Variants in CNTNAP2 observed in about 807,000 individuals in gnomAD.
The protein encoded by CNTNAP2 is contactin associated protein 2.
Under a neutral mutation model 155.2 loss-of-function variants are expected in CNTNAP2, and 98 were observed. The ratio of observed to expected loss-of-function variants is 0.63; its 90% CI spans 0.54 to 0.75. The LOEUF is 0.75. CNTNAP2 is among the 30% of genes least tolerant of loss of function. The pLI is 0.00. For missense variants in CNTNAP2, 1,727 were observed against 1,688.1 expected (o/e 1.02, Z -0.40); for synonymous variants, 651 against 631.2 (o/e 1.03, Z -0.47).
chr7:147,198,955 CTTTT>C (rs531893928), intron 8 of CNTNAP2, among the ~76,000 whole-genome samples: 2 of 99,288 alleles, frequency 2.0e-5, no homozygotes. Flanking sequence ...AATCAAAGGA[CTTTT>C]TTTTTTTTTT....
At chr7:147,117,538 C>T (rs563984230) in intron 5 of CNTNAP2, among the ~76,000 whole-genome samples, 2 of 152,158 alleles carry the variant, frequency 1.3e-5, no homozygotes, top group South Asian at 2.1e-4. Context: ...TTTACTGATC[C>T]CTTCCATTCC....
intron 20 of CNTNAP2, among the ~76,000 whole-genome samples, chr7:148,263,421 G>A (rs1250813563): frequency 6.6e-6 from 1 of 151,814 alleles, no homozygotes; most frequent in Non-Finnish European, 1.5e-5. Context: ...CTGAGTAGAG[G>A]CTATTACTGT....
chr7:147,959,435 G>A (rs146882310), intron 14 of CNTNAP2, among the ~76,000 whole-genome samples: 22 of 152,200 alleles, frequency 1.4e-4, no homozygotes, highest in African/African-American at 5.1e-4. Flanking sequence ...AGGGTTCTTG[G>A]CTTCTCCCAG....
intron 5 of CNTNAP2, among the ~76,000 whole-genome samples, chr7:147,114,102 C>G (rs113767203): frequency 0.061 from 9,267 of 152,186 alleles, 884 homozygotes; most frequent in African/African-American, 0.21. Context: ...AGGTTGTTCA[C>G]TTTCCATGTA....
chr7:147,233,583 C>CA (rs11354058), intron 8 of CNTNAP2, among the ~76,000 whole-genome samples: 3,765 of 135,932 alleles, frequency 0.028, 99 homozygotes, highest in African/African-American at 0.067. Context: ...ACCAAAAAAG[C>CA]AAAAAAAAAA....
At chr7:148,185,862 C>A (rs571387503) in intron 18 of CNTNAP2, among the ~76,000 whole-genome samples, 1 of 152,212 alleles carries the variant, frequency 6.6e-6, no homozygotes, top group South Asian at 2.1e-4. Flanking sequence ...TAAATTGAAA[C>A]AAGTTTATAA....
At chr7:146,651,491 A>G (rs985976827) in intron 1 of CNTNAP2, among the ~76,000 whole-genome samples, 3 of 152,180 alleles carry the variant, frequency 2.0e-5, no homozygotes, top group Non-Finnish European at 2.9e-5. Context: ...TGTTATTGAT[A>G]GTATAAACTG....
intron 1 of CNTNAP2, among the ~76,000 whole-genome samples, chr7:146,420,719 T>G (rs1795999549): frequency 2.0e-5 from 3 of 152,096 alleles, no homozygotes. Flanking sequence ...TTCATTTTAC[T>G]GAGGCTTGAA....
intron 4 of CNTNAP2, among the ~76,000 whole-genome samples, chr7:147,057,788 T>A (rs1277419691): frequency 6.6e-6 from 1 of 152,194 alleles, no homozygotes; most frequent in African/African-American, 2.4e-5. Flanking sequence ...TTGTAAGAAT[T>A]GACTCAACAT....
chr7:146,566,921 C>T (rs1798366278), intron 1 of CNTNAP2, among the ~76,000 whole-genome samples: 1 of 152,000 alleles, frequency 6.6e-6, no homozygotes, highest in South Asian at 2.1e-4. Flanking sequence ...ACATACATAC[C>T]TCATTGTATT....
At chr7:147,946,587 G>A (rs1390358470) in intron 14 of CNTNAP2, among the ~76,000 whole-genome samples, 1 of 152,094 alleles carries the variant, frequency 6.6e-6, no homozygotes, top group Non-Finnish European at 1.5e-5. Flanking sequence ...TCCAAAGAGG[G>A]TGGAATTGTG....
intron 9 of CNTNAP2, among the ~76,000 whole-genome samples, chr7:147,334,265 C>T (rs1478761660): frequency 6.6e-6 from 1 of 152,196 alleles, no homozygotes; most frequent in Non-Finnish European, 1.5e-5. Context: ...CTTAACTTCA[C>T]AAATATGCAA....
intron 13 of CNTNAP2, among the ~76,000 whole-genome samples, chr7:147,849,710 G>T (rs942402344): frequency 6.6e-6 from 1 of 152,210 alleles, no homozygotes; most frequent in African/African-American, 2.4e-5. Flanking sequence ...GAGCAGGCCA[G>T]GGACTCTGTG....
chr7:146,305,776 T>C (rs1477928473), intron 1 of CNTNAP2, among the ~76,000 whole-genome samples: 1 of 152,078 alleles, frequency 6.6e-6, no homozygotes, highest in African/African-American at 2.4e-5. Flanking sequence ...TAGCACTAAA[T>C]GCCCACAAGA....
intron 16 of CNTNAP2, among the ~76,000 whole-genome samples, chr7:148,120,344 G>A (rs1455850409): frequency 6.6e-6 from 1 of 151,604 alleles, no homozygotes; most frequent in African/African-American, 2.4e-5. Context: ...ATGGTTCACT[G>A]CAGCCTCGAA....
intron 13 of CNTNAP2, among the ~76,000 whole-genome samples, chr7:147,865,759 G>GGATC (rs1451832232): frequency 6.6e-6 from 1 of 152,046 alleles, no homozygotes; most frequent in African/African-American, 2.4e-5. Flanking sequence ...TATTTCTGTG[G>GGATC]GATCGGTGGT....
intron 1 of CNTNAP2, among the ~76,000 whole-genome samples, chr7:146,639,255 A>G (rs1799664303): frequency 6.6e-6 from 1 of 152,192 alleles, no homozygotes; most frequent in Non-Finnish European, 1.5e-5. Context: ...TTTACTTGTA[A>G]AAGTTCTGTT....
At chr7:146,958,414 T>G (rs1584748810) in intron 3 of CNTNAP2, among the ~76,000 whole-genome samples, 1 of 130,400 alleles carries the variant, frequency 7.7e-6, no homozygotes, top group East Asian at 2.1e-4. Flanking sequence ...ATGGTTTTTT[T>G]TTTTTTTTTT....
chr7:147,360,785 C>T (rs953826595), intron 9 of CNTNAP2, among the ~76,000 whole-genome samples: 9 of 152,116 alleles, frequency 5.9e-5, no homozygotes, highest in Non-Finnish European at 1.2e-4. Flanking sequence ...CGACCCCCCA[C>T]CTGCCATTCC....
Sources: allele counts gnomAD v4.1 joint callset (sites outside exome capture counted in the v4.1 genomes callset), GRCh38; gene constraint gnomAD v4.1.1; transcripts MANE v1.5; gene names NCBI Gene and HGNC (gene_info 2026-07-23, HGNC 2026-07-21).